VTI1A: variants seen among roughly 807,000 people sequenced by gnomAD.
VTI1A encodes vesicle transport through interaction with t-SNAREs homolog 1A.
Under a neutral mutation model 34.9 loss-of-function variants are expected in VTI1A, and 22 were observed. That is an observed-to-expected ratio of 0.63 (90% CI 0.45 to 0.90). VTI1A has a LOEUF of 0.90. Among genes scored for constraint, VTI1A ranks in the 40% least tolerant of loss-of-function variants. The pLI is 0.00. For synonymous variants in VTI1A, 87 were observed against 97.3 expected, an observed-to-expected ratio of 0.89 and a Z score of 0.62; for missense variants, 268 against 275.6, an observed-to-expected ratio of 0.97 and a Z score of 0.20.
At chr10:112,467,063 G>A (rs1055371465) in intron 3 of VTI1A, among the ~76,000 whole-genome samples, 5 of 152,138 alleles carry the variant, frequency 3.3e-5, no homozygotes, top group African/African-American at 9.7e-5. Context: ...CACATTCTCA[G>A]TATGGGAATC....
intron 7 of VTI1A, among the ~76,000 whole-genome samples, chr10:112,800,623 T>C (rs1042452461): frequency 2.0e-5 from 3 of 152,242 alleles, no homozygotes; most frequent in African/African-American, 7.2e-5. Flanking sequence ...CTGCTATTAT[T>C]GGCCCCATTT....
At chr10:112,695,339 T>A (rs1245671957) in intron 7 of VTI1A, among the ~76,000 whole-genome samples, 1 of 152,080 alleles carries the variant, frequency 6.6e-6, no homozygotes, top group African/African-American at 2.4e-5. Flanking sequence ...TGTATTTACA[T>A]AAATAAAAAG....
At chr10:112,836,381 G>A in the VTI1A span, among the ~76,000 whole-genome samples, 1 of 152,192 alleles carries the variant, frequency 6.6e-6, no homozygotes, top group Non-Finnish European at 1.5e-5. Flanking sequence ...GCTCAGAGAG[G>A]GGAAGTGACC....
intron 5 of VTI1A, among the ~76,000 whole-genome samples, chr10:112,621,365 C>T (rs1025924165): frequency 2.6e-5 from 4 of 152,052 alleles, no homozygotes; most frequent in Admixed American, 2.6e-4. Context: ...GGTCACAGAC[C>T]CTGTACATCT....
chr10:112,451,622 G>A (rs1465515655), intron 1 of VTI1A, among the ~76,000 whole-genome samples: 1 of 152,214 alleles, frequency 6.6e-6, no homozygotes, highest in African/African-American at 2.4e-5. Flanking sequence ...TGTCGGACAA[G>A]GCAGGTGTCC....
chr10:112,648,740 TCTAA>T lies in VTI1A; in HGVS notation c.428-19475_428-19472del, dbSNP rs1478630536. On this transcript the variant is annotated intron_variant, in intron 5 of 7. Transcript: ENST00000393077. ...TATTACCCTTTCAGTATTTTGAGCC[TCTAA>T]CTTTGTAATACAGTTTTCAAAATAC... Among the ~76,000 whole-genome samples the T allele has an allele frequency of 2.0e-5, 3 of 152,188 alleles. 1 individual carries two copies. The highest frequency in any genetic ancestry group is 1.3e-4 in the Admixed American group (2 of 15,286).
chr10:112,849,523 C>A, the VTI1A span, among the ~76,000 whole-genome samples: 1 of 152,210 alleles, frequency 6.6e-6, no homozygotes, highest in Non-Finnish European at 1.5e-5. Context: ...TAGGGCTGGT[C>A]CCTTCTTAGA....
intron 7 of VTI1A, among the ~76,000 whole-genome samples, chr10:112,797,380 G>T (rs145876007): frequency 7.9e-5 from 12 of 152,246 alleles, no homozygotes; most frequent in African/African-American, 2.2e-4. Context: ...TGCTGGGAAC[G>T]CCTGCAGCTT....
At chr10:112,641,070 T>C (rs182331296) in intron 5 of VTI1A, among the ~76,000 whole-genome samples, 218 of 151,416 alleles carry the variant, frequency 1.4e-3, no homozygotes, top group Non-Finnish European at 2.1e-3. Context: ...AGCAAAAGTT[T>C]TTTTTTTCTT....
rs544951983 is a variant in VTI1A, at chr10:112,775,288, C to G, written c.561-40002C>G. ...AGTAGCAAATAGGTTCCAAGAGCCT[C>G]ATCGATCTCTTATATTTGTTTTCAA... On this transcript the variant is annotated intron_variant, in intron 7 of 7. Transcript: ENST00000393077. Among the ~76,000 whole-genome samples the G allele has an allele frequency of 2.6e-5, 4 of 152,322 alleles. No homozygotes were observed. In the East Asian group the frequency reaches 7.7e-4, roughly 29 times the overall value.
chr10:112,471,621 C>T (rs532771563), intron 3 of VTI1A, among the ~76,000 whole-genome samples: 32 of 151,810 alleles, frequency 2.1e-4, no homozygotes, highest in African/African-American at 4.6e-4. Flanking sequence ...GCAACCTGCC[C>T]GCCTTTGAGT....
chr10:112,840,787 T>G, the VTI1A span, among the ~76,000 whole-genome samples: 1 of 152,120 alleles, frequency 6.6e-6, no homozygotes, highest in Non-Finnish European at 1.5e-5. Flanking sequence ...GGGGTGGGAT[T>G]AGGGAGAGGC....
chr10:112,642,466 A>T (rs924415791), intron 5 of VTI1A, among the ~76,000 whole-genome samples: 28 of 152,334 alleles, frequency 1.8e-4, no homozygotes, highest in African/African-American at 6.3e-4. Context: ...GTTCAAAATT[A>T]TAGTAACATT....
chr10:112,769,030 T>G (rs1033635122), intron 7 of VTI1A, among the ~76,000 whole-genome samples: 1 of 152,230 alleles, frequency 6.6e-6, no homozygotes, highest in Non-Finnish European at 1.5e-5. Context: ...CCAAACCCAT[T>G]AGGAAGTAAT....
intron 7 of VTI1A, among the ~76,000 whole-genome samples, chr10:112,804,400 C>A (rs1404764731): frequency 6.6e-6 from 1 of 152,220 alleles, no homozygotes; most frequent in Non-Finnish European, 1.5e-5. Flanking sequence ...TGCCTCTCAC[C>A]TTTCCTGAAA....
At chr10:112,496,185 A>ACCCCCC (rs66554158) in intron 3 of VTI1A, among the ~76,000 whole-genome samples, 319 of 27,770 alleles carry the variant, frequency 0.011, 1 homozygote, top group Non-Finnish European at 0.014. Flanking sequence ...AAATGGGGAG[A>ACCCCCC]CCCCCCCCCC....
chr10:112,458,990 G>T (rs1373128255), intron 1 of VTI1A, among the ~76,000 whole-genome samples: 1 of 152,094 alleles, frequency 6.6e-6, no homozygotes, highest in African/African-American at 2.4e-5. Flanking sequence ...TTCTATTAAA[G>T]CTTCCCCACT....
chr10:112,838,323 G>T, the VTI1A span, among the ~76,000 whole-genome samples: 1 of 152,214 alleles, frequency 6.6e-6, no homozygotes, highest in Non-Finnish European at 1.5e-5. Context: ...CTGCTAGGGG[G>T]TCCCAGGGAC....
intron 3 of VTI1A, among the ~76,000 whole-genome samples, chr10:112,492,906 T>A (rs1489851607): frequency 6.6e-6 from 1 of 152,020 alleles, no homozygotes; most frequent in African/African-American, 2.4e-5. Flanking sequence ...CGTAATCGAG[T>A]TTTATGACAC....
Sources: gnomAD v4.1 joint callset for allele counts (sites outside exome capture counted in the v4.1 genomes callset) on GRCh38, gnomAD v4.1.1 for gene constraint, MANE v1.5 for transcripts, NCBI Gene and HGNC (gene_info 2026-07-23, HGNC 2026-07-21) for gene names.